OGDHL: variants seen among roughly 807,000 people sequenced by gnomAD.
OGDHL encodes the protein oxoglutarate dehydrogenase L, also known as 2-oxoglutarate dehydrogenase-like, mitochondrial.
Under a neutral mutation model 109.6 loss-of-function variants are expected in OGDHL, and 79 were observed. That is an observed-to-expected ratio of 0.72 (90% CI 0.60 to 0.87). The LOEUF (loss-of-function observed/expected upper bound fraction) is 0.87, where lower values mean the gene tolerates loss of function less well. Among genes scored for constraint, OGDHL ranks in the 40% least tolerant of loss-of-function variants. OGDHL has a pLI of 0.00. For synonymous variants in OGDHL, 528 were observed against 537.2 expected (o/e 0.98, Z 0.24); for missense variants, 1,275 against 1,362.2 (o/e 0.94, Z 1.01).
At chr10:49,754,769 G>A (rs539553225) in intron 3 of OGDHL, among the ~76,000 whole-genome samples, 1 of 151,980 alleles carries the variant, frequency 6.6e-6, no homozygotes, top group South Asian at 2.1e-4. Context: ...CAGATGAAAT[G>A]ACATCATGAG....
chr10:49,740,843 G>A lies in OGDHL; in HGVS notation c.2013-6C>T. The A allele has an allele frequency of 1.2e-6, 2 of 1,613,818 alleles. No homozygotes were observed. The highest frequency in any genetic ancestry group is 1.7e-6 in the Non-Finnish European group (2 of 1,179,800). ...GGAGAACATGGTGCCGGTGACTGCA[G>A]AGACACAGACCGGGGCAGGGACAGA... is the stretch of plus-strand genomic sequence containing the variant. On this transcript the variant is annotated splice_polypyrimidine_tract_variant and splice_region_variant and intron_variant, in intron 15 of 22. Transcript: ENST00000374103.
At chr10:49,759,362 G>T (rs974331319) in intron 1 of OGDHL, among the ~76,000 whole-genome samples, 1 of 152,022 alleles carries the variant, frequency 6.6e-6, no homozygotes, top group African/African-American at 2.4e-5. Flanking sequence ...ACAGCTAACA[G>T]TCCAGGCAGG....
At chr10:49,757,046 G>C in intron 2 of OGDHL, 100 bp from the exon 3 acceptor site, 1 of 1,225,014 alleles carries the variant, frequency 8.2e-7, no homozygotes, top group Non-Finnish European at 1.1e-6. Flanking sequence ...CTTCCTTGAG[G>C]ACCACAGCTC....
At chr10:49,752,999 C>T (rs1030888505) in intron 3 of OGDHL, among the ~76,000 whole-genome samples, 5 of 152,314 alleles carry the variant, frequency 3.3e-5, no homozygotes, top group East Asian at 1.9e-4. Flanking sequence ...GTGTTCACTG[C>T]GGTGCTACTA....
rs762676580 is a variant in OGDHL at position 49,735,255 on chromosome 10, G to A, written c.3006C>T (p.Leu1002=). Residue 1002 remains leucine (L), a synonymous_variant, in exon 23 of 23, where the codon CTC becomes CTT. Transcript: ENST00000374103. ...AAAATGTCTTGCCCTCAAAGGCCTG[G>A]AGATTGAAGGCAGTATCCAGAAACT... ...LKKFLDTAFN[L]QAFEGKTF is the part of the protein sequence containing the mutation. The A allele has an allele frequency of 1.1e-5, 17 of 1,614,012 alleles. No homozygotes were observed. The East Asian group carries it at 3.3e-4, about 32-fold the overall frequency.
chr10:49,736,166 G>T lies in OGDHL; in HGVS notation c.2766C>A (p.Phe922Leu), dbSNP rs781207590. The T allele has an allele frequency of 6.3e-7, 1 of 1,595,666 alleles. No homozygotes were observed. Among genetic ancestry groups the T allele is most frequent in the Non-Finnish European group, 8.5e-7 (1 of 1,171,174 alleles). The change falls in exon 22 of 23, where the codon TTC (phenylalanine) becomes TTA (leucine). Residue 922 changes from phenylalanine to leucine, a missense_variant. By Grantham distance (22) the Phe-to-Leu change is conservative. Coordinates refer to ENST00000374103, the MANE Select transcript of OGDHL (RefSeq NM_018245.3). ...AITRLEQISP[F>L]PFDLIKQEAE... ...CCTCCTGCTTGATCAGGTCGAAGGGGAATGGAGAGATCTGGGGAGGCAGAA... is the reference window on the plus strand; with the variant it reads ...CCTCCTGCTTGATCAGGTCGAAGGGTAATGGAGAGATCTGGGGAGGCAGAA...
chr10:49,757,770 G>C (rs1843003687), intron 2 of OGDHL, among the ~76,000 whole-genome samples: 1 of 152,160 alleles, frequency 6.6e-6, no homozygotes, highest in Non-Finnish European at 1.5e-5. Flanking sequence ...ATGTGTTACA[G>C]GTTACTTTTG....
intron 2 of OGDHL, among the ~76,000 whole-genome samples, chr10:49,757,439 C>G (rs1461691447): frequency 6.6e-6 from 1 of 152,206 alleles, no homozygotes; most frequent in Non-Finnish European, 1.5e-5. Flanking sequence ...GTACAATCCC[C>G]ATGGAAAGCA....
Position 49,738,090 on chromosome 10 carries a change from A to C in OGDHL, c.2392-18T>G. The C allele has an allele frequency of 1.2e-6, 2 of 1,614,058 alleles. No individual in the cohort carries two copies. Among genetic ancestry groups the C allele is most frequent in the Non-Finnish European group, 1.7e-6 (2 of 1,179,976 alleles). ...GTGAATGCCTGTGGGGACGAGATGC[A>C]TATGGCCAGGGTGGCTGTCTGCTGC... On this transcript the variant is annotated intron_variant, in intron 18 of 22. Transcript: ENST00000374103.
rs780019156 is a variant in OGDHL, at chr10:49,738,206, G to C, written c.2376C>G (p.Asp792Glu). Reference sequence around the variant, plus strand: ...CAACACTCACAGGGTAGGCATCCGAGTCATCATTGCTCATCTGCAGGAACC... The same window carrying C: ...CAACACTCACAGGGTAGGCATCCGACTCATCATTGCTCATCTGCAGGAACC... ...PERFLQMSND[D>E]SDAYPAFTKD... Residue 792 changes from aspartate to glutamate, a missense_variant, in exon 18 of 23, where the codon GAC (aspartate) becomes GAG (glutamate). Asp to Glu is a conservative substitution (Grantham distance 45, BLOSUM62 2). Transcript: ENST00000374103. 6.2e-7 allele frequency: 1 copy of C among 1,614,032 alleles called. No individual in the cohort carries two copies. The highest frequency in any genetic ancestry group is 8.5e-7 in the Non-Finnish European group (1 of 1,180,036).
chr10:49,750,623 T>C (rs1296153829), intron 7 of OGDHL, among the ~76,000 whole-genome samples: 1 of 152,190 alleles, frequency 6.6e-6, no homozygotes, highest in Non-Finnish European at 1.5e-5. Context: ...GGGTGCCTGA[T>C]AACCTGGTTA....
rs1307899572 is a variant in OGDHL, at chr10:49,740,827, G to A, written c.2023C>T (p.His675Tyr). The A allele has an allele frequency of 1.2e-6, 2 of 1,613,896 alleles. No individual in the cohort carries two copies. The highest frequency in any genetic ancestry group is 2.2e-5 in the South Asian group (2 of 91,082). Residue 675 changes from histidine (H) to tyrosine (Y), a missense_variant, in exon 16 of 23, where the codon CAT becomes TAT. Physicochemically the swap from His to Tyr is moderately conservative, Grantham distance 83. Coordinates refer to ENST00000374103, the MANE Select transcript of OGDHL (RefSeq NM_018245.3). ...VERGTFSHRH[H>Y]VLHDQEVDRR... ...TCAACCTCCTGGTCATGGAGAACAT[G>A]GTGCCGGTGACTGCAGAGACACAGA...
rs1437048963 is a variant in OGDHL at position 49,736,498 on chromosome 10, A to C, written c.2613T>G (p.Ile871Met). 6.2e-7 allele frequency: 1 copy of C among 1,613,422 alleles called. No homozygotes were observed. The highest frequency in any genetic ancestry group is 1.3e-5 in the African/African-American group (1 of 74,924). ...CCCGTGCTGCGGCCCCATCTTCAGG[A>C]ATCACCCGCTGGAAGCTGGTCCCTG... is the stretch of plus-strand genomic sequence containing the variant. The part of the protein sequence containing the change: ...MVSGTSFQRV[I>M]PEDGAAARAP... The change falls in exon 21 of 23, where the codon ATT becomes ATG. Residue 871 changes from isoleucine to methionine, a missense_variant. Coordinates refer to ENST00000374103, the MANE Select transcript of OGDHL (RefSeq NM_018245.3).
chr10:49,752,271 G>T, intron 4 of OGDHL, 23 bp from the exon 5 acceptor site: 1 of 1,585,804 alleles, frequency 6.3e-7, no homozygotes, highest in Non-Finnish European at 8.6e-7. Flanking sequence ...GCGTGGCCGA[G>T]CCCCGGGCAG....
chr10:49,741,373 G>T (rs1841640410), intron 15 of OGDHL, among the ~76,000 whole-genome samples: 1 of 152,068 alleles, frequency 6.6e-6, no homozygotes, highest in Non-Finnish European at 1.5e-5. Flanking sequence ...GTAGCTCTGG[G>T]TGCATCAGAG....
At chr10:49,750,795 G>A (rs767606743) in intron 7 of OGDHL, 44 bp downstream of exon 7, 11 of 1,559,732 alleles carry the variant, frequency 7.1e-6, no homozygotes, top group Non-Finnish European at 8.7e-6. Context: ...CTGTCCCCTG[G>A]GCTGGAGGAG....
chr10:49,758,734 T>C (rs1843074738), intron 1 of OGDHL, 141 bp from the exon 2 acceptor site: 1 of 802,774 alleles, frequency 1.2e-6, no homozygotes, highest in Non-Finnish European at 2.0e-6. Context: ...AGACTGGGAA[T>C]GTGACACTCT....
At chr10:49,748,180 G>A (rs1352199434) in intron 8 of OGDHL, among the ~76,000 whole-genome samples, 1 of 152,164 alleles carries the variant, frequency 6.6e-6, no homozygotes, top group Non-Finnish European at 1.5e-5. Flanking sequence ...CATGTGCAAG[G>A]ACCCTCATGA....
chr10:49,742,833 T>C lies in OGDHL; in HGVS notation c.2007A>G (p.Thr669=). Residue 669 remains threonine (T), a synonymous_variant, in exon 15 of 23, where the codon ACA becomes ACG. Transcript: ENST00000374103. ...CTGAGCCCCACTGCGCTCACCTGAA[T>C]GTGCCCCTCTCCACATCCTGCCCGC... ...RLSGQDVERG[T]FSHRHHVLHD... 2.5e-6 allele frequency: 4 copies of C among 1,612,866 alleles called. No homozygotes were observed. The highest frequency in any genetic ancestry group is 2.2e-5 in the East Asian group (1 of 44,876).
Sources: allele counts gnomAD v4.1 joint callset (sites outside exome capture counted in the v4.1 genomes callset), GRCh38; gene constraint gnomAD v4.1.1; transcripts MANE v1.5; gene names NCBI Gene and HGNC (gene_info 2026-07-23, HGNC 2026-07-21).